XYLT1: variants seen among roughly 807,000 people sequenced by gnomAD.
The protein encoded by XYLT1 is xylosyltransferase 1.
Under a neutral mutation model 91.3 loss-of-function variants are expected in XYLT1, and 36 were observed. That is an observed-to-expected ratio of 0.39 (90% CI 0.30 to 0.52). The LOEUF (loss-of-function observed/expected upper bound fraction) is 0.52. Among genes scored for constraint, XYLT1 ranks in the 20% least tolerant of loss-of-function variants. XYLT1 has a pLI of 0.68. For missense variants in XYLT1, 1,242 were observed against 1,284.5 expected (o/e 0.97, Z 0.51); for synonymous variants, 588 against 532.0 (o/e 1.11, Z -1.45).
intron 3 of XYLT1, among the ~76,000 whole-genome samples, chr16:17,240,576 T>C (rs555760751): frequency 6.6e-6 from 1 of 152,272 alleles, no homozygotes; most frequent in South Asian, 2.1e-4. Context: ...ATTCAGGATG[T>C]AGAATTGGAA....
intron 5 of XYLT1, among the ~76,000 whole-genome samples, chr16:17,177,123 T>C (rs1016229235): frequency 2.0e-5 from 3 of 152,198 alleles, no homozygotes; most frequent in Admixed American, 1.3e-4. Context: ...CCTTTGTGCA[T>C]GCAGCCCCTG....
intron 7 of XYLT1, 115 bp from the exon 8 acceptor site, chr16:17,138,646 G>C: frequency 7.8e-7 from 1 of 1,274,138 alleles, no homozygotes; most frequent in South Asian, 1.5e-5. Context: ...TTGTTTAAAA[G>C]AATGTGGCAT....
intron 3 of XYLT1, among the ~76,000 whole-genome samples, chr16:17,214,644 T>C (rs2032822700): frequency 1.3e-5 from 2 of 151,962 alleles, no homozygotes; most frequent in Admixed American, 6.6e-5. Context: ...GAGTGAAAAA[T>C]AGACTCATGC....
intron 1 of XYLT1, among the ~76,000 whole-genome samples, chr16:17,364,693 A>G (rs1433864901): frequency 2.0e-5 from 3 of 152,212 alleles, no homozygotes; most frequent in Admixed American, 1.3e-4. Flanking sequence ...CAAGGGAGGT[A>G]TCATGATCCC....
At chr16:17,261,724 G>C (rs894164312) in intron 2 of XYLT1, among the ~76,000 whole-genome samples, 2 of 152,148 alleles carry the variant, frequency 1.3e-5, no homozygotes. Context: ...GTAAGCAGCA[G>C]CCACGAAGCA....
In XYLT1 at chr16:17,285,939, T is replaced by TGA. The variant is rs759536733; in HGVS notation, c.403-26443_403-26442dup. Reference sequence around the variant, plus strand: ...GTGTGTCCATGTGTGTGTGAGTGAGTGAGAGAGAGAGAGAAAGAGAGAGAG... The same window carrying TGA: ...GTGTGTCCATGTGTGTGTGAGTGAGTGAGAGAGAGAGAGAGAAAGAGAGAGAG... On this transcript the variant is annotated intron_variant, in intron 2 of 11. Coordinates refer to ENST00000261381, the MANE Select transcript of XYLT1 (RefSeq NM_022166.4). 7.2e-3 allele frequency among the ~76,000 whole-genome samples: 862 copies of TGA among 120,214 alleles called. 14 individuals carry two copies. Among genetic ancestry groups the TGA allele is most frequent in the African/African-American group, 0.027 (824 of 30,804 alleles). 78.9% of individuals were successfully genotyped at this position (120,214 alleles called of 152,430 possible).
At position 17,207,321 on chromosome 16, in the gene XYLT1, T is replaced by G. The variant is rs1320190944; in HGVS notation, c.914-6667A>C. ...GTGATCTAACTGTCTCAGCCTCCCATAGTGCTGGGATTACAGGCGTGAGCC... is the reference window on the plus strand; with the variant it reads ...GTGATCTAACTGTCTCAGCCTCCCAGAGTGCTGGGATTACAGGCGTGAGCC... On this transcript the variant is annotated intron_variant, in intron 3 of 11. Transcript: ENST00000261381. Among the ~76,000 whole-genome samples, 4 of 152,150 alleles carry G rather than the reference T, an allele frequency of 2.6e-5. No homozygotes were observed. The East Asian group carries it at 7.8e-4, about 30-fold the overall frequency.
chr16:17,328,531 T>C (rs1228334965), intron 2 of XYLT1, among the ~76,000 whole-genome samples: 2 of 106,372 alleles, frequency 1.9e-5, no homozygotes, highest in East Asian at 5.6e-4. Context: ...CTTGGGTGAC[T>C]GAGCAAGACT....
intron 2 of XYLT1, among the ~76,000 whole-genome samples, chr16:17,296,636 A>G (rs2034315218): frequency 6.6e-6 from 1 of 152,216 alleles, no homozygotes; most frequent in Admixed American, 6.5e-5. Flanking sequence ...GCAGGAGCGC[A>G]GAGCCCGGGG....
chr16:17,291,599 C>T (rs1456837930), intron 2 of XYLT1, among the ~76,000 whole-genome samples: 1 of 151,722 alleles, frequency 6.6e-6, no homozygotes, highest in African/African-American at 2.4e-5. Context: ...GGCCCCTGAG[C>T]TGTGTTTTCC....
At chr16:17,426,828 G>A (rs1472189984) in intron 1 of XYLT1, among the ~76,000 whole-genome samples, 1 of 152,118 alleles carries the variant, frequency 6.6e-6, no homozygotes, top group Non-Finnish European at 1.5e-5. Context: ...AAGGAGAGAG[G>A]AAAAACTTTA....
chr16:17,103,062 T>C lies in XYLT1; in HGVS notation c.*5633A>G, dbSNP rs1966728145. 1.3e-5 allele frequency: 2 copies of C among 152,348 alleles called. No individual in the cohort carries two copies. The highest frequency in any genetic ancestry group is 4.8e-5 in the African/African-American group (2 of 41,346). The allele number at this position is 152,348 out of a possible 1,614,324, so 9.4% of individuals were successfully genotyped here. On this transcript the variant is annotated 3_prime_UTR_variant, in exon 12 of 12. Coordinates refer to ENST00000261381, the MANE Select transcript of XYLT1 (RefSeq NM_022166.4). ...TTGGCCTCCATCAGCACTGGAGCAA[T>C]GGAAGGGTAAAGAATAGAGTCTGAA...
chr16:17,128,749 T>C (rs1407824030), intron 9 of XYLT1, among the ~76,000 whole-genome samples: 1 of 152,140 alleles, frequency 6.6e-6, no homozygotes, highest in African/African-American at 2.4e-5. Flanking sequence ...GAAGCAGAGA[T>C]GTCCGGAGAA....
chr16:17,339,570 C>CACTT (rs908955847), intron 2 of XYLT1, among the ~76,000 whole-genome samples: 1 of 152,118 alleles, frequency 6.6e-6, no homozygotes, highest in African/African-American at 2.4e-5. Flanking sequence ...TCAATATAAC[C>CACTT]ACTTTCCTTT....
At chr16:17,333,784 C>T (rs1347752362) in intron 2 of XYLT1, among the ~76,000 whole-genome samples, 1 of 151,826 alleles carries the variant, frequency 6.6e-6, no homozygotes, top group Non-Finnish European at 1.5e-5. Flanking sequence ...GATGGGGTTT[C>T]ACCATGTTGG....
chr16:17,209,595 G>A (rs2032721454), intron 3 of XYLT1, among the ~76,000 whole-genome samples: 2 of 152,176 alleles, frequency 1.3e-5, no homozygotes, highest in African/African-American at 4.8e-5. Context: ...TCCTAACTCA[G>A]CTATTCCACA....
At chr16:17,324,349 T>C (rs767922442) in intron 2 of XYLT1, among the ~76,000 whole-genome samples, 1 of 152,024 alleles carries the variant, frequency 6.6e-6, no homozygotes, top group Non-Finnish European at 1.5e-5. Flanking sequence ...GCATGACACA[T>C]GCGGTGAGGA....
chr16:17,155,554 G>T (rs1413610498), intron 6 of XYLT1, among the ~76,000 whole-genome samples: 1 of 152,208 alleles, frequency 6.6e-6, no homozygotes, highest in African/African-American at 2.4e-5. Flanking sequence ...GGTCACTTGG[G>T]AGGGACCATG....
chr16:17,323,419 C>G (rs142632989), intron 2 of XYLT1, among the ~76,000 whole-genome samples: 158 of 152,256 alleles, frequency 1.0e-3, no homozygotes, highest in African/African-American at 3.5e-3. Context: ...AATTAAAACC[C>G]CGGCTCCACT....
Sources: gnomAD v4.1 joint callset for allele counts (sites outside exome capture counted in the v4.1 genomes callset) on GRCh38, gnomAD v4.1.1 for gene constraint, MANE v1.5 for transcripts, NCBI Gene and HGNC (gene_info 2026-07-23, HGNC 2026-07-21) for gene names.